Variants in STAG1 observed in about 807,000 individuals in gnomAD.
STAG1 encodes cohesin subunit SA-1.
STAG1 carries 26 observed loss-of-function variants against 170.9 expected under a neutral mutation model. The ratio of observed to expected loss-of-function variants is 0.15; its 90% CI spans 0.11 to 0.21. The LOEUF is 0.21. STAG1 is among the 10% of genes least tolerant of loss of function. The pLI is 1.00. For synonymous variants in STAG1, 514 were observed against 497.7 expected (o/e 1.03, Z -0.44); for missense variants, 964 against 1,509.5 (o/e 0.64, Z 5.99).
At chr3:136,388,416 T>C (rs2086923374) in intron 22 of STAG1, among the ~76,000 whole-genome samples, 3 of 152,210 alleles carry the variant, frequency 2.0e-5, no homozygotes, top group Non-Finnish European at 4.4e-5. Context: ...TTGCCCAGGC[T>C]GGAGTGCAGT....
At chr3:136,726,853 C>T (rs1015807501) in intron 1 of STAG1, among the ~76,000 whole-genome samples, 1 of 152,224 alleles carries the variant, frequency 6.6e-6, no homozygotes, top group African/African-American at 2.4e-5. Context: ...GCTTACCTCT[C>T]TAACCTCATG....
chr3:136,469,932 A>T (rs1205542439), intron 12 of STAG1, among the ~76,000 whole-genome samples: 2 of 152,244 alleles, frequency 1.3e-5, no homozygotes, highest in Non-Finnish European at 2.9e-5. Flanking sequence ...GGCTAGCCAC[A>T]TGTAGAAAGC....
chr3:136,366,458 T>G (rs182192843), intron 25 of STAG1, among the ~76,000 whole-genome samples: 2 of 152,128 alleles, frequency 1.3e-5, no homozygotes, highest in African/African-American at 4.8e-5. Flanking sequence ...ACTCAACACA[T>G]TGCAGTTGTT....
At chr3:136,434,013 A>C (rs556552967) in intron 15 of STAG1, among the ~76,000 whole-genome samples, 1 of 152,198 alleles carries the variant, frequency 6.6e-6, no homozygotes, top group Admixed American at 6.5e-5. Context: ...GTTTTTAAAA[A>C]CTTAACAGAC....
At chr3:136,360,674 A>T (rs531082169) in intron 26 of STAG1, among the ~76,000 whole-genome samples, 1 of 152,096 alleles carries the variant, frequency 6.6e-6, no homozygotes, top group Non-Finnish European at 1.5e-5. Context: ...TTGTTTATAA[A>T]TTCTTTTTTT....
rs759104221 is a variant in STAG1 at position 136,422,862 on chromosome 3, AAGG to A, written c.1744-8_1744-6del. 3.1e-6 allele frequency: 5 copies of A among 1,601,212 alleles called. No homozygotes were observed. The African/African-American group carries it at 5.4e-5, about 17-fold the overall frequency. On this transcript the variant is annotated splice_region_variant and splice_polypyrimidine_tract_variant and intron_variant, in intron 17 of 33. Coordinates refer to ENST00000383202, the MANE Select transcript of STAG1 (RefSeq NM_005862.3). Reference sequence around the variant, plus strand: ...CTTCTCTGCATCTGCAGAATACTAGAAGGAGAAGCAAAGAAAAAGACAGTAACT... The same window carrying A: ...CTTCTCTGCATCTGCAGAATACTAGAAGAAGCAAAGAAAAAGACAGTAACT...
At chr3:136,540,682 C>T (rs1220641718) in intron 6 of STAG1, among the ~76,000 whole-genome samples, 5 of 151,318 alleles carry the variant, frequency 3.3e-5, no homozygotes, top group African/African-American at 9.7e-5. Flanking sequence ...ATTAGCTGGG[C>T]GTGGTGGCAC....
At chr3:136,415,904 C>G (rs574137650) in intron 21 of STAG1, among the ~76,000 whole-genome samples, 13 of 152,178 alleles carry the variant, frequency 8.5e-5, no homozygotes, top group Admixed American at 3.3e-4. Context: ...CTCAGAGCTG[C>G]TAAAATGAAC....
intron 1 of STAG1, among the ~76,000 whole-genome samples, chr3:136,694,431 C>A (rs769935949): frequency 6.6e-6 from 1 of 151,828 alleles, no homozygotes; most frequent in Admixed American, 6.6e-5. Flanking sequence ...GCCTGGGCAA[C>A]ATAGTGAGAC....
chr3:136,353,258 G>C (rs1254232011), intron 28 of STAG1, among the ~76,000 whole-genome samples: 1 of 152,152 alleles, frequency 6.6e-6, no homozygotes, highest in East Asian at 1.9e-4. Context: ...TGTAATGGGA[G>C]TAACCAAGGT....
At chr3:136,510,078 C>T (rs892556960) in intron 7 of STAG1, among the ~76,000 whole-genome samples, 1 of 152,076 alleles carries the variant, frequency 6.6e-6, no homozygotes, top group Non-Finnish European at 1.5e-5. Flanking sequence ...GTTGCAGTTC[C>T]ACAAAGACCT....
intron 5 of STAG1, among the ~76,000 whole-genome samples, chr3:136,567,852 G>C (rs1205439405): frequency 6.6e-6 from 1 of 152,176 alleles, no homozygotes; most frequent in African/African-American, 2.4e-5. Context: ...ATAGTAACCA[G>C]TTTTATTATA....
intron 9 of STAG1, among the ~76,000 whole-genome samples, chr3:136,484,847 G>GC (rs1274363719): frequency 2.6e-5 from 4 of 151,754 alleles, no homozygotes; most frequent in Non-Finnish European, 4.4e-5. Flanking sequence ...TTTTCCAGGT[G>GC]CGTCTGTCAC....
At chr3:136,343,727 A>G (rs1936096440) in intron 30 of STAG1, 105 bp downstream of exon 30, 2 of 896,526 alleles carry the variant, frequency 2.2e-6, no homozygotes, top group East Asian at 5.8e-5. Flanking sequence ...GTGGCTTATC[A>G]TGAACTGACC....
At chr3:136,573,620 A>G (rs1937346052) in intron 4 of STAG1, among the ~76,000 whole-genome samples, 1 of 152,108 alleles carries the variant, frequency 6.6e-6, no homozygotes, top group African/African-American at 2.4e-5. Context: ...CTAAAAAACT[A>G]AAACAAAAAA....
intron 28 of STAG1, among the ~76,000 whole-genome samples, chr3:136,356,819 C>T (rs967096832): frequency 2.4e-4 from 37 of 152,240 alleles, no homozygotes; most frequent in South Asian, 6.2e-4. Flanking sequence ...GTGGCATGAT[C>T]GCAGCTTACT....
chr3:136,453,186 A>C (rs1378112494), intron 13 of STAG1, among the ~76,000 whole-genome samples: 1 of 152,250 alleles, frequency 6.6e-6, no homozygotes, highest in African/African-American at 2.4e-5. Flanking sequence ...TAGTAAAATG[A>C]CATTAATGGT....
chr3:136,449,067 C>T (rs537988973), intron 14 of STAG1, among the ~76,000 whole-genome samples: 1 of 152,182 alleles, frequency 6.6e-6, no homozygotes, highest in African/African-American at 2.4e-5. Flanking sequence ...ATTGGAATAC[C>T]ATCATACTAT....
intron 1 of STAG1, among the ~76,000 whole-genome samples, chr3:136,640,517 C>T (rs1284690400): frequency 5.3e-5 from 8 of 151,378 alleles, no homozygotes; most frequent in Non-Finnish European, 1.5e-5. Flanking sequence ...TACAGGTGCC[C>T]GCCACCATGC....
Sources: allele counts gnomAD v4.1 joint callset (sites outside exome capture counted in the v4.1 genomes callset), GRCh38; gene constraint gnomAD v4.1.1; transcripts MANE v1.5; gene names NCBI Gene and HGNC (gene_info 2026-07-23, HGNC 2026-07-21).